The following BICD1 variants were observed in gnomAD, a reference collection of about 807,000 sequenced individuals.
BICD1 encodes BICD cargo adaptor 1, also known as protein bicaudal D homolog 1.
Under a neutral mutation model 92.5 loss-of-function variants are expected in BICD1, and 35 were observed. That is an observed-to-expected ratio of 0.38 (90% CI 0.29 to 0.50). BICD1 has a LOEUF of 0.50. BICD1 is among the 20% of genes least tolerant of loss of function. The pLI, the probability that BICD1 is intolerant of heterozygous loss-of-function variation, is 0.93. For missense variants in BICD1, 950 were observed against 1,189.8 expected, an observed-to-expected ratio of 0.80 and a Z score of 2.97; for synonymous variants, 429 against 465.1, an observed-to-expected ratio of 0.92 and a Z score of 1.00.
intron 2 of BICD1, among the ~76,000 whole-genome samples, chr12:32,251,423 T>C (rs1405788252): frequency 6.6e-6 from 1 of 152,168 alleles, no homozygotes. Context: ...CATTCTGAAA[T>C]GCGTCTCACT....
At chr12:32,301,417 G>A (rs1024343090) in intron 3 of BICD1, among the ~76,000 whole-genome samples, 1 of 151,998 alleles carries the variant, frequency 6.6e-6, no homozygotes, top group South Asian at 2.1e-4. Flanking sequence ...TCAGTCACAG[G>A]GCAGGAGCAG....
chr12:32,174,611 G>A (rs959615945), intron 1 of BICD1, among the ~76,000 whole-genome samples: 1 of 152,074 alleles, frequency 6.6e-6, no homozygotes, highest in Non-Finnish European at 1.5e-5. Flanking sequence ...GAAATGAGTT[G>A]CTATCTCTTG....
intron 1 of BICD1, among the ~76,000 whole-genome samples, chr12:32,177,712 T>TAAATATATAAATATATTTATATATTTATA (rs71068304): frequency 9.3e-6 from 1 of 107,886 alleles, no homozygotes; most frequent in Non-Finnish European, 2.0e-5. Context: ...TAGTAGAGTA[T>TAAATATATAAATATATTTATATATTTATA]AAATATATAA....
intron 1 of BICD1, among the ~76,000 whole-genome samples, chr12:32,177,307 T>A (rs11051832): frequency 0.12 from 16,866 of 145,068 alleles, 1,085 homozygotes; most frequent in South Asian, 0.2. Context: ...ACAGCTAGAC[T>A]CAGTCTCAAA....
At chr12:32,319,355 G>C (rs1392306000) in intron 4 of BICD1, among the ~76,000 whole-genome samples, 1 of 151,960 alleles carries the variant, frequency 6.6e-6, no homozygotes, top group East Asian at 1.9e-4. Flanking sequence ...ATGATCATGT[G>C]GTTTTTGTCA....
chr12:32,335,981 A>G (rs981169984), intron 6 of BICD1, among the ~76,000 whole-genome samples: 1 of 152,182 alleles, frequency 6.6e-6, no homozygotes, highest in African/African-American at 2.4e-5. Context: ...AATAATTTAC[A>G]TTTGGCTGAT....
In BICD1 at chr12:32,327,468, G is replaced by A. The variant is rs183425481; in HGVS notation, c.1013G>A (p.Arg338Gln). The A allele has an allele frequency of 1.4e-5, 22 of 1,596,058 alleles. No individual in the cohort carries two copies. Among genetic ancestry groups the A allele is most frequent in the Admixed American group, 7.0e-5 (4 of 57,524 alleles). Residue 338 changes from arginine (R) to glutamine (Q), a missense_variant, in exon 5 of 10, where the codon CGG becomes CAG. This residue lies in a region of BICD1 where 246 missense variants were observed against 258.4 expected (regional missense o/e 0.95). Transcript: ENST00000652176. ...TTTCTTTTGCCATTGCAGGTAGAGC[G>A]GGAAAAGGCCATTCTTTTGGCCAAC... Reference protein sequence around the residue: ...KLKQQLMQVEREKAILLANLQ... With the variant: ...KLKQQLMQVEQEKAILLANLQ...
At chr12:32,182,274 C>CTT (rs1944292915) in intron 1 of BICD1, among the ~76,000 whole-genome samples, 3 of 84,994 alleles carry the variant, frequency 3.5e-5, no homozygotes, top group Non-Finnish European at 7.8e-5. Flanking sequence ...TTCTTTCTTT[C>CTT]TTTCTTTTTT....
In BICD1 at chr12:32,381,366, T is replaced by C. The variant is rs1940172285; in HGVS notation, c.*3739T>C. The stretch of plus-strand genomic sequence containing the variant: ...TCCCTTAGTGGGGGGCAAACACATT[T>C]CAGATTTCGTCTTTATTTAAAAGGA... On this transcript the variant is annotated 3_prime_UTR_variant, in exon 10 of 10. Coordinates refer to ENST00000652176, the MANE Select transcript of BICD1 (RefSeq NM_001714.4). The C allele has an allele frequency of 6.6e-6, 1 of 152,098 alleles. No individual in the cohort carries two copies. The highest frequency in any genetic ancestry group is 1.5e-5 in the Non-Finnish European group (1 of 67,960). 9.4% of individuals were successfully genotyped at this position (152,098 alleles called of 1,614,324 possible). A position where few individuals can be genotyped will look rare whatever the true frequency, so the allele number is the denominator to read the frequency against.
At chr12:32,290,702 G>A (rs934682189) in intron 2 of BICD1, among the ~76,000 whole-genome samples, 2 of 152,130 alleles carry the variant, frequency 1.3e-5, no homozygotes, top group African/African-American at 2.4e-5. Context: ...TCCTTGGACT[G>A]CCTTTAGCAA....
chr12:32,295,978 C>T (rs1454222102), intron 3 of BICD1, among the ~76,000 whole-genome samples: 1 of 151,986 alleles, frequency 6.6e-6, no homozygotes, highest in East Asian at 1.9e-4. Context: ...ATCATTGCCA[C>T]TTCCCCCAGA....
chr12:32,156,423 C>T (rs7131997), intron 1 of BICD1, among the ~76,000 whole-genome samples: 49,992 of 151,944 alleles, frequency 0.33, 8,729 homozygotes, highest in Admixed American at 0.49. Flanking sequence ...GAGATATAGC[C>T]GAGGGCAGTC....
At chr12:32,121,666 G>T (rs898338962) in intron 1 of BICD1, among the ~76,000 whole-genome samples, 2 of 151,982 alleles carry the variant, frequency 1.3e-5, no homozygotes, top group African/African-American at 4.8e-5. Flanking sequence ...AGCCCAGGAG[G>T]CAGAGACTGC....
intron 1 of BICD1, 114 bp downstream of exon 1, chr12:32,107,658 C>T: frequency 8.8e-7 from 1 of 1,139,474 alleles, no homozygotes; most frequent in Non-Finnish European, 1.3e-6. Context: ...GTTTTTTCTT[C>T]TAGGGCCCTT....
chr12:32,358,815 G>C (rs1327656386), intron 8 of BICD1, among the ~76,000 whole-genome samples: 1 of 152,142 alleles, frequency 6.6e-6, no homozygotes, highest in Non-Finnish European at 1.5e-5. Flanking sequence ...GTATCTCATA[G>C]AGTTTTTACA....
Position 32,107,511 on chromosome 12 carries a change from C to T in BICD1, c.180C>T (p.Asp60=), listed in dbSNP as rs1189061219. The T allele has an allele frequency of 6.2e-6, 10 of 1,601,428 alleles. No individual in the cohort carries two copies. The highest frequency in any genetic ancestry group is 7.7e-6 in the Non-Finnish European group (9 of 1,174,430). ...ATGATGAACTGGAGGCTGAGTACGA[C>T]AGCCTCAAACAGGAGCTGGAGCAGC... ...QQYDELEAEY[D]SLKQELEQLK... Residue 60 remains aspartate (D), a synonymous_variant, in exon 1 of 10, where the codon GAC becomes GAT. Transcript: ENST00000652176.
intron 1 of BICD1, among the ~76,000 whole-genome samples, chr12:32,129,982 C>G (rs1942481794): frequency 6.6e-6 from 1 of 152,070 alleles, no homozygotes; most frequent in African/African-American, 2.4e-5. Context: ...GGATGACTTA[C>G]AAACAATTAT....
Position 32,242,215 on chromosome 12 carries a change from C to CAAAAAA in BICD1, c.426+25779_426+25784dup, listed in dbSNP as rs4001812. On this transcript the variant is annotated intron_variant, in intron 2 of 9. Coordinates refer to ENST00000652176, the MANE Select transcript of BICD1 (RefSeq NM_001714.4). ...TAGGATACAGAGTGAGACCCTGTCT[C>CAAAAAA]AAAAAAAAAAAAAAAAAAAAAAAAA... Among the ~76,000 whole-genome samples, 40 of 47,732 alleles carry CAAAAAA rather than the reference C, an allele frequency of 8.4e-4. 2 individuals are homozygous for CAAAAAA. Among genetic ancestry groups the CAAAAAA allele is most frequent in the African/African-American group, 3.3e-3 (34 of 10,276 alleles). The allele number at this position is 47,732 out of a possible 152,430, so 31.3% of individuals were successfully genotyped here.
At chr12:32,318,878 ATAT>A (rs1439640861) in intron 4 of BICD1, among the ~76,000 whole-genome samples, 1 of 152,146 alleles carries the variant, frequency 6.6e-6, no homozygotes, top group East Asian at 1.9e-4. Flanking sequence ...ATTCTGAAGT[ATAT>A]TATTTTTTGA....
Sources: allele counts gnomAD v4.1 joint callset (sites outside exome capture counted in the v4.1 genomes callset), GRCh38; gene constraint gnomAD v4.1.1; regional missense constraint gnomAD v4.1.1; transcripts MANE v1.5; gene names NCBI Gene and HGNC (gene_info 2026-07-23, HGNC 2026-07-21).